PTPRD: variants seen among roughly 807,000 people sequenced by gnomAD.
PTPRD encodes the protein receptor-type tyrosine-protein phosphatase delta.
In PTPRD, 34 loss-of-function variants were observed where a neutral mutation model predicts 214.5. That is an observed-to-expected ratio of 0.16 (90% CI 0.12 to 0.21). PTPRD has a LOEUF of 0.21. Ranked by LOEUF, PTPRD falls within the 10% of genes least tolerant of loss-of-function variation. The probability of loss-of-function intolerance (pLI) is 1.00; values close to 1 mark genes in which losing one functional copy is unlikely to be tolerated. For synonymous variants in PTPRD, 1,128 were observed against 845.7 expected (o/e 1.33, Z -5.79); for missense variants, 2,545 against 2,398.7 (o/e 1.06, Z -1.27).
chr9:8,817,078 G>C (rs1405692120), intron 11 of PTPRD, among the ~76,000 whole-genome samples: 2 of 152,190 alleles, frequency 1.3e-5, no homozygotes, highest in African/African-American at 4.8e-5. Flanking sequence ...CTTCGGTATA[G>C]CATGATGAAG....
At chr9:9,103,298 TG>T (rs1379937444) in intron 10 of PTPRD, among the ~76,000 whole-genome samples, 3 of 152,262 alleles carry the variant, frequency 2.0e-5, no homozygotes, top group African/African-American at 7.2e-5. Context: ...AGTTTTTGTT[TG>T]TTTTTTTTTC....
At chr9:9,318,097 G>C (rs919055759) in intron 9 of PTPRD, among the ~76,000 whole-genome samples, 2 of 151,868 alleles carry the variant, frequency 1.3e-5, no homozygotes, top group African/African-American at 4.8e-5. Flanking sequence ...TTTGAACCAG[G>C]GATGCGGAGG....
chr9:9,202,548 T>G (rs1210026776), intron 9 of PTPRD, among the ~76,000 whole-genome samples: 1 of 152,190 alleles, frequency 6.6e-6, no homozygotes, highest in Non-Finnish European at 1.5e-5. Context: ...GATGCAAGCT[T>G]GATCAACAGT....
chr9:8,584,516 T>C (rs747998986), intron 14 of PTPRD, among the ~76,000 whole-genome samples: 1 of 152,188 alleles, frequency 6.6e-6, no homozygotes, highest in Non-Finnish European at 1.5e-5. Context: ...TCCCTCAAAA[T>C]GTGGCATTCT....
chr9:9,484,233 C>A (rs1241238511), intron 8 of PTPRD, among the ~76,000 whole-genome samples: 1 of 151,300 alleles, frequency 6.6e-6, no homozygotes, highest in African/African-American at 2.4e-5. Flanking sequence ...CAAATGAAAC[C>A]TTCTGGTCAT....
intron 14 of PTPRD, among the ~76,000 whole-genome samples, chr9:8,582,860 C>T (rs1054688828): frequency 3.3e-5 from 5 of 151,920 alleles, no homozygotes; most frequent in African/African-American, 1.2e-4. Flanking sequence ...TTGTTTTTTG[C>T]TATTTAATTC....
At chr9:9,112,170 G>A (rs555759109) in intron 10 of PTPRD, among the ~76,000 whole-genome samples, 15 of 152,118 alleles carry the variant, frequency 9.9e-5, no homozygotes, top group African/African-American at 3.4e-4. Flanking sequence ...ATCCTTTTTG[G>A]CATGAAAAAT....
intron 3 of PTPRD, among the ~76,000 whole-genome samples, chr9:10,086,567 T>A (rs1250346571): frequency 6.6e-6 from 1 of 151,826 alleles, no homozygotes; most frequent in Non-Finnish European, 1.5e-5. Context: ...ATACTTTTAA[T>A]GCTGTGATCC....
At chr9:9,547,215 A>G (rs1481068634) in intron 8 of PTPRD, among the ~76,000 whole-genome samples, 1 of 152,064 alleles carries the variant, frequency 6.6e-6, no homozygotes, top group African/African-American at 2.4e-5. Context: ...AATAACAATT[A>G]TTTCAGAAAA....
At chr9:9,513,532 T>C (rs1029455604) in intron 8 of PTPRD, among the ~76,000 whole-genome samples, 3 of 151,756 alleles carry the variant, frequency 2.0e-5, no homozygotes, top group Non-Finnish European at 4.4e-5. Context: ...AAATTATTTA[T>C]ATACATTTTA....
intron 6 of PTPRD, among the ~76,000 whole-genome samples, chr9:9,764,408 G>C (rs1177707473): frequency 6.6e-6 from 1 of 152,084 alleles, no homozygotes; most frequent in Non-Finnish European, 1.5e-5. Context: ...TTGAAAAGAA[G>C]TTCGCAAAAA....
At chr9:8,843,382 C>G (rs2570306) in intron 11 of PTPRD, among the ~76,000 whole-genome samples, 124,975 of 152,154 alleles carry the variant, frequency 0.82, 51,857 homozygotes, top group African/African-American at 0.94. Flanking sequence ...AGTATTCTAA[C>G]TACATAAATG....
chr9:8,318,039 TA>T (rs1823195195), intron 45 of PTPRD, 97 bp from the exon 46 acceptor site: 3 of 1,163,194 alleles, frequency 2.6e-6, no homozygotes, highest in Non-Finnish European at 3.8e-6. Context: ...AAATAACATC[TA>T]TATAGGGGCA....
chr9:8,432,536 T>A (rs2095123912), intron 35 of PTPRD, among the ~76,000 whole-genome samples: 1 of 152,218 alleles, frequency 6.6e-6, no homozygotes, highest in Non-Finnish European at 1.5e-5. Context: ...GCTTCGTGCA[T>A]CTTACAAGTT....
intron 2 of PTPRD, among the ~76,000 whole-genome samples, chr9:10,398,306 C>G (rs1184553716): frequency 1.3e-5 from 2 of 151,600 alleles, no homozygotes; most frequent in African/African-American, 4.8e-5. Context: ...GCTTGAGTCC[C>G]GAAGTTCGAG....
chr9:8,947,933 C>A (rs1405855932), intron 11 of PTPRD, among the ~76,000 whole-genome samples: 1 of 151,832 alleles, frequency 6.6e-6, no homozygotes, highest in Non-Finnish European at 1.5e-5. Flanking sequence ...TTACTAGTAT[C>A]ATTGCATCGA....
At chr9:10,161,240 A>G (rs2099125533) in intron 3 of PTPRD, among the ~76,000 whole-genome samples, 1 of 151,834 alleles carries the variant, frequency 6.6e-6, no homozygotes, top group African/African-American at 2.4e-5. Flanking sequence ...TCACAAAAAG[A>G]TCCTGAATAG....
chr9:10,439,628 A>T (rs1246402410), intron 2 of PTPRD, among the ~76,000 whole-genome samples: 1 of 151,722 alleles, frequency 6.6e-6, no homozygotes, highest in Admixed American at 6.6e-5. Context: ...TTTTGTGCAA[A>T]CTATAAAGTG....
At chr9:8,769,163 T>A (rs1431555270) in intron 11 of PTPRD, among the ~76,000 whole-genome samples, 1 of 152,182 alleles carries the variant, frequency 6.6e-6, no homozygotes, top group Non-Finnish European at 1.5e-5. Flanking sequence ...GAAAAACTAA[T>A]AAAGATAAAT....
Sources: allele counts gnomAD v4.1 joint callset (sites outside exome capture counted in the v4.1 genomes callset), GRCh38; gene constraint gnomAD v4.1.1; transcripts MANE v1.5; gene names NCBI Gene and HGNC (gene_info 2026-07-23, HGNC 2026-07-21).